The following ANOS1 variants were observed in gnomAD, a reference collection of about 807,000 sequenced individuals.
The protein encoded by ANOS1 is anosmin 1, also known as anosmin-1.
Under a neutral mutation model 59.0 loss-of-function variants are expected in ANOS1, and 6 were observed. That is an observed-to-expected ratio of 0.10 (90% confidence interval 0.06 to 0.20). The LOEUF is 0.20. Among genes scored for constraint, ANOS1 ranks in the 10% least tolerant of loss-of-function variants. The probability of loss-of-function intolerance (pLI) is 1.00; values close to 1 mark genes in which losing one functional copy is unlikely to be tolerated. For synonymous variants in ANOS1, 217 were observed against 223.4 expected, an observed-to-expected ratio of 0.97 and a Z score of 0.25; for missense variants, 433 against 542.3, an observed-to-expected ratio of 0.80 and a Z score of 2.00.
chrX:8,664,190 C>G (rs764167302), intron 2 of ANOS1, among the ~76,000 whole-genome samples: 68 of 111,508 alleles, frequency 6.1e-4, no homozygotes, highest in African/African-American at 2.1e-3. Context: ...ATAAAATAAA[C>G]TTTGTTTGTT....
At chrX:8,545,612 C>T (rs1158396669) in intron 9 of ANOS1, among the ~76,000 whole-genome samples, 1 of 111,801 alleles carries the variant, frequency 8.9e-6, no homozygotes, top group Non-Finnish European at 1.9e-5. Context: ...TATTATAACC[C>T]AACTACTATG....
intron 3 of ANOS1, among the ~76,000 whole-genome samples, chrX:8,621,673 T>C (rs761778738): frequency 8.9e-6 from 1 of 112,054 alleles, no homozygotes; most frequent in Non-Finnish European, 1.9e-5. Flanking sequence ...GTAAGATCAA[T>C]AGGATAAATC....
chrX:8,547,105 G>A (rs1038143803), intron 9 of ANOS1, among the ~76,000 whole-genome samples: 1 of 111,617 alleles, frequency 9.0e-6, no homozygotes, highest in African/African-American at 3.3e-5. Flanking sequence ...ATTAACCGAC[G>A]TGCTCTCTCT....
chrX:8,595,770 C>G (rs951663009), intron 4 of ANOS1, among the ~76,000 whole-genome samples: 1 of 111,169 alleles, frequency 9.0e-6, no homozygotes, highest in Non-Finnish European at 1.9e-5. Flanking sequence ...TAGGGGTCCC[C>G]AGCTCCCGGG....
At chrX:8,559,391 C>T (rs972660849) in intron 8 of ANOS1, among the ~76,000 whole-genome samples, 13 of 111,270 alleles carry the variant, frequency 1.2e-4, no homozygotes, top group African/African-American at 4.3e-4. Flanking sequence ...TTCGTTGCAA[C>T]GTAGGACACC....
At chrX:8,667,007 G>C (rs1218223395) in intron 2 of ANOS1, among the ~76,000 whole-genome samples, 2 of 111,629 alleles carry the variant, frequency 1.8e-5, no homozygotes, top group African/African-American at 6.5e-5. Flanking sequence ...ATTTGACTAT[G>C]AAAAAGTTTC....
chrX:8,631,861 G>A (rs1931495368), intron 2 of ANOS1, among the ~76,000 whole-genome samples: 1 of 112,041 alleles, frequency 8.9e-6, no homozygotes, highest in Non-Finnish European at 1.9e-5. Context: ...AAGTGGTAGG[G>A]TTTAGATCCA....
intron 2 of ANOS1, among the ~76,000 whole-genome samples, chrX:8,648,073 A>G (rs1931789545): frequency 8.9e-6 from 1 of 112,603 alleles, no homozygotes; most frequent in Admixed American, 9.4e-5. Context: ...AAATTGATAG[A>G]CAAAACAATT....
chrX:8,682,853 G>A (rs747081363), intron 2 of ANOS1, among the ~76,000 whole-genome samples: 4 of 111,588 alleles, frequency 3.6e-5, no homozygotes, highest in Non-Finnish European at 7.5e-5. Context: ...GTTAGATGGA[G>A]ACTCAATATA....
chrX:8,534,267 CT>C (rs1326932468), intron 13 of ANOS1, 51 bp downstream of exon 13: 1 of 1,164,939 alleles, frequency 8.6e-7, no homozygotes, highest in Non-Finnish European at 1.2e-6. Flanking sequence ...AGATTTTTCT[CT>C]ATGTCCACAA....
chrX:8,615,316 G>A (rs1010777294), intron 3 of ANOS1, among the ~76,000 whole-genome samples: 107 of 110,913 alleles, frequency 9.6e-4, no homozygotes, highest in Non-Finnish European at 1.3e-3. Context: ...AGGCTGAGGC[G>A]GGTGGATCAC....
In ANOS1 at chrX:8,704,550, G is replaced by A. The variant is rs566916927; in HGVS notation, c.208-4805C>T. On this transcript the variant is annotated intron_variant, in intron 1 of 13. Coordinates refer to ENST00000262648, the MANE Select transcript of ANOS1 (RefSeq NM_000216.4). Reference sequence around the variant, plus strand: ...TTGGGAATTAATATCAATACATTGCGTTGAGCAAGGCATTTTCATTTCAAG... The same window carrying A: ...TTGGGAATTAATATCAATACATTGCATTGAGCAAGGCATTTTCATTTCAAG... Among the ~76,000 whole-genome samples the A allele has an allele frequency of 2.8e-4, 31 of 112,283 alleles. No homozygotes were observed. The South Asian group carries it at 9.3e-3, about 34-fold the overall frequency.
At chrX:8,661,705 C>T (rs777037191) in intron 2 of ANOS1, among the ~76,000 whole-genome samples, 2 of 107,929 alleles carry the variant, frequency 1.9e-5, no homozygotes, top group East Asian at 5.8e-4. Context: ...TAATAAAGAA[C>T]CACCTTCCCC....
intron 2 of ANOS1, among the ~76,000 whole-genome samples, chrX:8,625,900 C>A (rs950170110): frequency 9.1e-5 from 10 of 109,738 alleles, no homozygotes; most frequent in Non-Finnish European, 1.7e-4. Flanking sequence ...ATCATGAGGT[C>A]AGGAGATCGA....
At position 8,570,565 on chromosome X, in the gene ANOS1, C is replaced by G. The variant is rs777804884; in HGVS notation, c.996G>C (p.Trp332Cys). Residue 332 changes from tryptophan to cysteine, a missense_variant, in exon 7 of 14, where the codon TGG becomes TGC. By Grantham distance (215) the Trp-to-Cys change is radical. Transcript: ENST00000262648. The part of the protein sequence containing the change: ...DIPVHHYKVF[W>C]SWMVSSKSLV... ...GAGACTTACTGCTGACCATCCAGCT[C>G]CAAAAGACCTTGTAATGATGCACAG... The G allele has an allele frequency of 2.2e-5, 27 of 1,209,673 alleles. No homozygotes were observed. In the South Asian group the frequency reaches 4.8e-4, roughly 21 times the overall value.
intron 3 of ANOS1, among the ~76,000 whole-genome samples, chrX:8,610,297 G>A (rs753334787): frequency 1.8e-5 from 2 of 111,397 alleles, no homozygotes; most frequent in South Asian, 7.4e-4. Flanking sequence ...TTCAGACATT[G>A]GACAATAGGT....
At chrX:8,573,952 C>T (rs1930276658) in intron 6 of ANOS1, among the ~76,000 whole-genome samples, 1 of 111,943 alleles carries the variant, frequency 8.9e-6, no homozygotes, top group African/African-American at 3.3e-5. Flanking sequence ...TCTCCACTGC[C>T]TCCCTAGAGG....
rs191616880 is a variant in ANOS1 at position 8,677,279 on chromosome X, A to G, written c.255+22419T>C. Among the ~76,000 whole-genome samples, 8 of 111,717 alleles carry G rather than the reference A, an allele frequency of 7.2e-5. 1 individual carries two copies. The East Asian group carries it at 2.3e-3, about 31-fold the overall frequency. On this transcript the variant is annotated intron_variant, in intron 2 of 13. Coordinates refer to ENST00000262648, the MANE Select transcript of ANOS1 (RefSeq NM_000216.4). ...CAGTAGCACCTCTTCCCTGGTAGTG[A>G]CAACTAAAAATGTCTCTCGACATTG...
chrX:8,600,987 G>A (rs1441337403), intron 3 of ANOS1, among the ~76,000 whole-genome samples: 2 of 110,266 alleles, frequency 1.8e-5, no homozygotes, highest in African/African-American at 3.3e-5. Context: ...TCAGGAGATC[G>A]AGACCATCCT....
Sources: gnomAD v4.1 joint callset for allele counts (sites outside exome capture counted in the v4.1 genomes callset) on GRCh38, gnomAD v4.1.1 for gene constraint, MANE v1.5 for transcripts, NCBI Gene and HGNC (gene_info 2026-07-23, HGNC 2026-07-21) for gene names.